PTPRD: variants seen among roughly 807,000 people sequenced by gnomAD.
PTPRD encodes the protein protein tyrosine phosphatase receptor type D.
In PTPRD, 34 loss-of-function variants were observed where a neutral mutation model predicts 214.5. The observed-to-expected ratio is 0.16, with a 90% CI of 0.12 to 0.21. The LOEUF is 0.21. Among genes scored for constraint, PTPRD ranks in the 10% least tolerant of loss-of-function variants. The pLI, the probability that PTPRD is intolerant of heterozygous loss-of-function variation, is 1.00. For synonymous variants in PTPRD, 1,128 were observed against 845.7 expected, an observed-to-expected ratio of 1.33 and a Z score of -5.79; for missense variants, 2,545 against 2,398.7, an observed-to-expected ratio of 1.06 and a Z score of -1.27.
At chr9:9,884,757 A>T (rs777897532) in intron 5 of PTPRD, among the ~76,000 whole-genome samples, 1 of 152,104 alleles carries the variant, frequency 6.6e-6, no homozygotes, top group Non-Finnish European at 1.5e-5. Flanking sequence ...AGTTTTCATG[A>T]GATCTGATGG....
At chr9:9,064,707 G>T (rs942274128) in intron 10 of PTPRD, among the ~76,000 whole-genome samples, 1 of 152,170 alleles carries the variant, frequency 6.6e-6, no homozygotes, top group Non-Finnish European at 1.5e-5. Flanking sequence ...GCAATCTGTG[G>T]TATGAAGTTG....
At chr9:9,642,695 A>G (rs987501050) in intron 7 of PTPRD, among the ~76,000 whole-genome samples, 1 of 152,210 alleles carries the variant, frequency 6.6e-6, no homozygotes, top group Non-Finnish European at 1.5e-5. Flanking sequence ...TGTTGGTTCT[A>G]AAGAAAACAC....
At chr9:9,593,660 A>G (rs1041141189) in intron 7 of PTPRD, among the ~76,000 whole-genome samples, 1 of 152,064 alleles carries the variant, frequency 6.6e-6, no homozygotes, top group African/African-American at 2.4e-5. Context: ...AAGAAAAAAG[A>G]GAACCCTCTG....
chr9:8,406,318 G>C (rs2092973945), intron 35 of PTPRD, among the ~76,000 whole-genome samples: 1 of 152,150 alleles, frequency 6.6e-6, no homozygotes, highest in Admixed American at 6.5e-5. Flanking sequence ...GCTCCACTCA[G>C]TGATGAGGGC....
intron 10 of PTPRD, among the ~76,000 whole-genome samples, chr9:9,038,376 C>T (rs186879750): frequency 6.6e-6 from 1 of 151,980 alleles, no homozygotes; most frequent in Non-Finnish European, 1.5e-5. Flanking sequence ...CAGCAAAATT[C>T]CCCCCACTTC....
Position 9,576,481 on chromosome 9 carries a change from C to A in PTPRD, c.-286-1700G>T, listed in dbSNP as rs373316528. The stretch of plus-strand genomic sequence containing the variant: ...TAGAGATGATTTCAGGAGATCTATT[C>A]CTTATTGACATTTGTGAAAGGAGAA... On this transcript the variant is annotated intron_variant, in intron 7 of 45. Coordinates refer to ENST00000381196, the MANE Select transcript of PTPRD (RefSeq NM_002839.4). Among the ~76,000 whole-genome samples, 12 of 142,946 alleles carry A rather than the reference C, an allele frequency of 8.4e-5. No individual in the cohort carries two copies. The East Asian group carries it at 9.9e-4, about 12-fold the overall frequency. The allele number at this position is 142,946 out of a possible 152,430, so 93.8% of individuals were successfully genotyped here.
chr9:10,312,495 G>T (rs937138980), intron 3 of PTPRD, among the ~76,000 whole-genome samples: 6 of 151,798 alleles, frequency 4.0e-5, no homozygotes, highest in Admixed American at 1.3e-4. Flanking sequence ...CTCTAATAAG[G>T]TATTTTATAA....
intron 14 of PTPRD, among the ~76,000 whole-genome samples, chr9:8,586,027 A>C (rs72696689): frequency 0.028 from 4,169 of 146,914 alleles, 81 homozygotes; most frequent in African/African-American, 0.077. Context: ...ATAGGCCAGG[A>C]GCAGTGGCTC....
At chr9:8,401,522 T>C (rs1178411771) in intron 36 of PTPRD, among the ~76,000 whole-genome samples, 1 of 152,202 alleles carries the variant, frequency 6.6e-6, no homozygotes, top group Non-Finnish European at 1.5e-5. Context: ...ATTTTGTAAT[T>C]AGGACTCTTT....
At chr9:10,367,080 A>T (rs1359092) in intron 2 of PTPRD, among the ~76,000 whole-genome samples, 63,239 of 104,688 alleles carry the variant, frequency 0.6, 16,742 homozygotes, top group Non-Finnish European at 0.68. Flanking sequence ...AGACAAACAT[A>T]AAAAAAAAAA....
intron 9 of PTPRD, among the ~76,000 whole-genome samples, chr9:9,191,136 G>A (rs2099934871): frequency 6.6e-6 from 1 of 152,108 alleles, no homozygotes; most frequent in Non-Finnish European, 1.5e-5. Flanking sequence ...CTTCTTTCTT[G>A]CTTGCTATGT....
At chr9:9,025,947 C>T (rs1014042002) in intron 10 of PTPRD, among the ~76,000 whole-genome samples, 10 of 151,744 alleles carry the variant, frequency 6.6e-5, no homozygotes, top group African/African-American at 2.4e-4. Context: ...ATAGTCCGCT[C>T]AGATAAACAT....
intron 14 of PTPRD, among the ~76,000 whole-genome samples, chr9:8,615,787 T>A (rs2095593589): frequency 3.3e-5 from 5 of 151,972 alleles, no homozygotes; most frequent in Admixed American, 3.3e-4. Flanking sequence ...CAATAATAAA[T>A]TTGTCCTTAT....
At chr9:9,925,049 T>C (rs189135186) in intron 5 of PTPRD, among the ~76,000 whole-genome samples, 9 of 152,244 alleles carry the variant, frequency 5.9e-5, no homozygotes, top group African/African-American at 2.2e-4. Flanking sequence ...AGCTGGTATA[T>C]AATTGTCTAT....
chr9:8,475,277 C>T (rs561352271), intron 30 of PTPRD, among the ~76,000 whole-genome samples: 1 of 152,162 alleles, frequency 6.6e-6, no homozygotes, highest in Non-Finnish European at 1.5e-5. Flanking sequence ...TCTTAGCAGA[C>T]CTTTTAAGAT....
chr9:9,473,293 TTGAG>T (rs2094765018), intron 8 of PTPRD, among the ~76,000 whole-genome samples: 1 of 152,198 alleles, frequency 6.6e-6, no homozygotes, highest in South Asian at 2.1e-4. Flanking sequence ...GCATGTTGTA[TTGAG>T]TGACAGGATT....
chr9:9,211,846 G>T (rs2132870361), intron 9 of PTPRD, among the ~76,000 whole-genome samples: 1 of 150,916 alleles, frequency 6.6e-6, no homozygotes. Flanking sequence ...TTTATTTTCA[G>T]CCAGGCTGAG....
intron 37 of PTPRD, among the ~76,000 whole-genome samples, chr9:8,383,253 A>C (rs2135353475): frequency 6.6e-6 from 1 of 152,242 alleles, no homozygotes; most frequent in East Asian, 1.9e-4. Context: ...CCTCACCTTC[A>C]CTTTGTGCTA....
At chr9:9,530,079 G>A (rs972071089) in intron 8 of PTPRD, among the ~76,000 whole-genome samples, 50 of 152,034 alleles carry the variant, frequency 3.3e-4, no homozygotes, top group African/African-American at 1.2e-3. Flanking sequence ...ATAATCTAAT[G>A]ATGCATTTCA....
Sources: gnomAD v4.1 joint callset for allele counts (sites outside exome capture counted in the v4.1 genomes callset) on GRCh38, gnomAD v4.1.1 for gene constraint, MANE v1.5 for transcripts, NCBI Gene and HGNC (gene_info 2026-07-23, HGNC 2026-07-21) for gene names.